Variants in PHF8 observed in about 807,000 individuals in gnomAD.
PHF8 encodes PHD finger protein 8.
A neutral mutation model predicts 74.4 loss-of-function variants in PHF8; 9 were observed. The observed-to-expected ratio is 0.12, with a 90% CI of 0.07 to 0.21. The LOEUF is 0.21. Ranked by LOEUF, PHF8 falls within the 10% of genes least tolerant of loss-of-function variation. PHF8 has a pLI of 1.00. For missense variants in PHF8, 478 were observed against 816.6 expected (o/e 0.59, Z 5.05); for synonymous variants, 311 against 316.6 (o/e 0.98, Z 0.19).
At chrX:54,033,909 C>T (rs1557113256) in intron 2 of PHF8, among the ~76,000 whole-genome samples, 1 of 109,457 alleles carries the variant, frequency 9.1e-6, no homozygotes, top group East Asian at 2.8e-4. Flanking sequence ...GGCCACAGAG[C>T]TAGACTCTTG....
chrX:54,001,209 C>T (rs1319008278), intron 10 of PHF8, among the ~76,000 whole-genome samples: 2 of 111,382 alleles, frequency 1.8e-5, no homozygotes, highest in East Asian at 5.6e-4. Context: ...GCCTATAGTC[C>T]CAGCTACTCT....
chrX:53,939,912 CTT>C (rs2064723705), intron 21 of PHF8, among the ~76,000 whole-genome samples: 1 of 110,976 alleles, frequency 9.0e-6, no homozygotes, highest in East Asian at 2.8e-4. Flanking sequence ...CCTGCCTGAA[CTT>C]GTATATGTGC....
intron 19 of PHF8, among the ~76,000 whole-genome samples, chrX:53,952,073 C>G (rs1404031145): frequency 9.1e-6 from 1 of 109,967 alleles, no homozygotes; most frequent in Non-Finnish European, 1.9e-5. Flanking sequence ...ATTACGAGGT[C>G]AAGAGTTCGA....
chrX:54,043,883 C>T lies in PHF8; in HGVS notation c.-214G>A, dbSNP rs2066605270. ...GCTTTGGGCTGCAAGGACTCCACGCCCGCGGAGCTCAGCCCCAGCGACACG... is the reference window on the plus strand; with the variant it reads ...GCTTTGGGCTGCAAGGACTCCACGCTCGCGGAGCTCAGCCCCAGCGACACG... On this transcript the variant is annotated 5_prime_UTR_variant, in exon 1 of 22. Coordinates refer to ENST00000338154, the MANE Select transcript of PHF8 (RefSeq NM_015107.3). The T allele has an allele frequency of 1.3e-6, 1 of 752,718 alleles. No individual in the cohort carries two copies. Among genetic ancestry groups the T allele is most frequent in the Non-Finnish European group, 1.6e-6 (1 of 638,170 alleles). 62.0% of individuals were successfully genotyped at this position (752,718 alleles called of 1,213,427 possible).
intron 14 of PHF8, among the ~76,000 whole-genome samples, chrX:53,989,794 G>A (rs2065630791): frequency 8.9e-6 from 1 of 112,113 alleles, no homozygotes; most frequent in Non-Finnish European, 1.9e-5. Flanking sequence ...CTACTTCAGA[G>A]GGTTGAGGAT....
chrX:53,956,685 T>C (rs1253194452), intron 19 of PHF8, among the ~76,000 whole-genome samples: 1 of 108,733 alleles, frequency 9.2e-6, no homozygotes, highest in Non-Finnish European at 1.9e-5. Flanking sequence ...CGTGTGTGTG[T>C]GTGTGTGTGT....
upstream of PHF8, among the ~76,000 whole-genome samples, chrX:54,047,169 C>T (rs782050618): frequency 1.1e-4 from 12 of 111,507 alleles, no homozygotes; most frequent in Non-Finnish European, 2.3e-4. Flanking sequence ...AAAAATTGGT[C>T]CAGGATAGTT....
At chrX:53,991,837 A>AT (rs200660560) in intron 14 of PHF8, among the ~76,000 whole-genome samples, 31 of 108,376 alleles carry the variant, frequency 2.9e-4, no homozygotes, top group Middle Eastern at 4.9e-3. Context: ...CCCCATCTCT[A>AT]TTTTTTTTTA....
chrX:54,003,434 G>C (rs1042409124), intron 8 of PHF8, among the ~76,000 whole-genome samples: 9 of 111,170 alleles, frequency 8.1e-5, no homozygotes, highest in Non-Finnish European at 1.5e-4. Flanking sequence ...AGGCGGGTGG[G>C]TCACCTGAGG....
intron 2 of PHF8, among the ~76,000 whole-genome samples, chrX:54,034,096 A>C (rs1231437851): frequency 8.9e-6 from 1 of 112,043 alleles, no homozygotes; most frequent in Non-Finnish European, 1.9e-5. Context: ...CAGAGAAAAG[A>C]ATCAGTAAGT....
intron 20 of PHF8, among the ~76,000 whole-genome samples, chrX:53,943,801 C>A (rs1209946060): frequency 4.5e-5 from 5 of 111,895 alleles, no homozygotes; most frequent in Non-Finnish European, 9.4e-5. Context: ...TGAGTCACCC[C>A]CTCAGGGCTT....
At chrX:53,985,768 G>A (rs2065554161) in intron 17 of PHF8, 48 bp downstream of exon 17, 2 of 1,211,118 alleles carry the variant, frequency 1.7e-6, no homozygotes, top group Non-Finnish European at 2.2e-6. Context: ...CGGGAGCGGG[G>A]GTTGCTGTCT....
rs782295640 is a variant in PHF8, at chrX:53,942,672, C to T, written c.2649+1462G>A. The stretch of plus-strand genomic sequence containing the variant: ...AAACATACATTTATGATTGTAAGTA[C>T]CACGAATGTTGTAGAAGCATATAGA... On this transcript the variant is annotated intron_variant, in intron 20 of 21. Transcript: ENST00000338154. 7 of 693,415 alleles carry T rather than the reference C, an allele frequency of 1.0e-5. No individual in the cohort carries two copies. In the African/African-American group the frequency reaches 1.4e-4, roughly 14 times the overall value. The allele number at this position is 693,415 out of a possible 1,213,427, so 57.1% of individuals were successfully genotyped here.
chrX:54,008,309 G>A (rs2065926740), intron 8 of PHF8, among the ~76,000 whole-genome samples: 1 of 105,531 alleles, frequency 9.5e-6, no homozygotes, highest in African/African-American at 3.5e-5. Flanking sequence ...GGAGGTTGCA[G>A]TGAGTGGAGA....
At chrX:54,037,115 GATCTATTA>G (rs1428443362) in intron 2 of PHF8, among the ~76,000 whole-genome samples, 1 of 110,849 alleles carries the variant, frequency 9.0e-6, no homozygotes, top group Non-Finnish European at 1.9e-5. Flanking sequence ...TAAAGGCAGA[GATCTATTA>G]AATTGAAAAC....
At chrX:53,996,357 C>T (rs1477330421) in intron 11 of PHF8, among the ~76,000 whole-genome samples, 1 of 109,772 alleles carries the variant, frequency 9.1e-6, no homozygotes, top group Non-Finnish European at 1.9e-5. Context: ...TCAGGTGATC[C>T]ACCCGCCTTG....
intron 19 of PHF8, among the ~76,000 whole-genome samples, chrX:53,957,197 A>G (rs1277359171): frequency 9.1e-6 from 1 of 109,754 alleles, no homozygotes; most frequent in East Asian, 2.8e-4. Context: ...ATACAAAAAA[A>G]AAAAAAAAAT....
chrX:53,987,245 T>C, intron 15 of PHF8, 82 bp from the exon 16 acceptor site: 4 of 619,844 alleles, frequency 6.5e-6, no homozygotes, highest in Non-Finnish European at 1.1e-5. Context: ...ATAAGACTAA[T>C]TTTCTTGGAA....
intron 19 of PHF8, among the ~76,000 whole-genome samples, chrX:53,948,357 C>T (rs1173945811): frequency 3.6e-5 from 4 of 111,689 alleles, no homozygotes; most frequent in African/African-American, 1.3e-4. Flanking sequence ...ACTGCAACCT[C>T]CACCTCCTGG....
Sources: gnomAD v4.1 joint callset for allele counts (sites outside exome capture counted in the v4.1 genomes callset) on GRCh38, gnomAD v4.1.1 for gene constraint, MANE v1.5 for transcripts, NCBI Gene and HGNC (gene_info 2026-07-23, HGNC 2026-07-21) for gene names.